CDK7: variants seen among roughly 807,000 people sequenced by gnomAD.
CDK7 encodes the protein cyclin-dependent kinase 7.
In CDK7, 25 loss-of-function variants were observed where a neutral mutation model predicts 49.1. The observed-to-expected ratio is 0.51, with a 90% CI of 0.37 to 0.71. The LOEUF is 0.71. CDK7 is among the 30% of genes least tolerant of loss of function. The pLI is 0.00. For missense variants in CDK7, 316 were observed against 411.7 expected (o/e 0.77, Z 2.01); for synonymous variants, 107 against 140.0 (o/e 0.76, Z 1.67).
intron 8 of CDK7, among the ~76,000 whole-genome samples, chr5:69,267,010 A>G (rs1751198411): frequency 6.6e-6 from 1 of 152,202 alleles, no homozygotes; most frequent in African/African-American, 2.4e-5. Flanking sequence ...TGTTTTAACA[A>G]GGTTCATGTA....
chr5:69,258,875 A>C (rs1750651474), intron 6 of CDK7, among the ~76,000 whole-genome samples: 3 of 152,124 alleles, frequency 2.0e-5, no homozygotes, highest in Admixed American at 2.0e-4. Context: ...CAGGAGTTCT[A>C]GACCAGCCTG....
At chr5:69,238,425 C>T (rs1430182208) in intron 2 of CDK7, among the ~76,000 whole-genome samples, 5 of 151,706 alleles carry the variant, frequency 3.3e-5, no homozygotes. Context: ...GCTAGGAGTA[C>T]AGGTGCATGC....
chr5:69,239,582 A>G (rs1749233237), intron 2 of CDK7, among the ~76,000 whole-genome samples: 1 of 151,954 alleles, frequency 6.6e-6, no homozygotes, highest in Admixed American at 6.6e-5. Flanking sequence ...GAATTCTTTT[A>G]TATTCTGGAT....
intron 10 of CDK7, among the ~76,000 whole-genome samples, chr5:69,273,879 A>C (rs1435814025): frequency 6.6e-6 from 1 of 152,198 alleles, no homozygotes; most frequent in South Asian, 2.1e-4. Flanking sequence ...GTGAATATAT[A>C]TGGAGATGGA....
chr5:69,273,587 G>T (rs1389721276), intron 10 of CDK7, among the ~76,000 whole-genome samples: 1 of 152,080 alleles, frequency 6.6e-6, no homozygotes, highest in Non-Finnish European at 1.5e-5. Flanking sequence ...AACAAAAACT[G>T]AAACTAACTG....
chr5:69,267,218 T>C (rs573433053), intron 8 of CDK7, among the ~76,000 whole-genome samples: 1 of 151,728 alleles, frequency 6.6e-6, no homozygotes, highest in Non-Finnish European at 1.5e-5. Context: ...TCTCCCACAC[T>C]AGATATTTTT....
In CDK7 at chr5:69,245,363, T is replaced by TC. The variant is rs1235796250; in HGVS notation, c.127-7054dup. On this transcript the variant is annotated intron_variant, in intron 2 of 11. Coordinates refer to ENST00000256443, the MANE Select transcript of CDK7 (RefSeq NM_001799.4). ...CCTCTTATTTTTTTAATTTTTTTTT[T>TC]CTCGCTCTATCGCCTACCCAGGCCC... 2.7e-5 allele frequency among the ~76,000 whole-genome samples: 4 copies of TC among 145,752 alleles called. No individual in the cohort carries two copies. In the East Asian group the frequency reaches 8.6e-4, roughly 31 times the overall value.
chr5:69,241,435 C>T (rs1176978740), intron 2 of CDK7, among the ~76,000 whole-genome samples: 2 of 151,464 alleles, frequency 1.3e-5, no homozygotes, highest in African/African-American at 4.9e-5. Context: ...ATTCTCCTGC[C>T]TCAGCCTCCT....
chr5:69,265,352 A>G (rs1041419815), intron 8 of CDK7, among the ~76,000 whole-genome samples: 1 of 152,184 alleles, frequency 6.6e-6, no homozygotes, highest in African/African-American at 2.4e-5. Flanking sequence ...ATGAAAAAAA[A>G]AAACCTGTGC....
At chr5:69,257,771 T>C (rs981123754) in intron 5 of CDK7, among the ~76,000 whole-genome samples, 2 of 152,178 alleles carry the variant, frequency 1.3e-5, no homozygotes, top group African/African-American at 2.4e-5. Context: ...CTAACTGCTA[T>C]TGTCAGAAGA....
rs1752247499 is a variant in CDK7, at chr5:69,277,260, T to A, written c.*125T>A. ...GTAAATATTCTACACATGTAAAATA[T>A]GTAAAACTATGGGTTATTTTTATTA... is the stretch of plus-strand genomic sequence containing the variant. On this transcript the variant is annotated 3_prime_UTR_variant, in exon 12 of 12. Transcript: ENST00000256443. 1 of 535,144 alleles carries A rather than the reference T, an allele frequency of 1.9e-6. No individual in the cohort carries two copies. The highest frequency in any genetic ancestry group is 5.3e-4 in the Middle Eastern group (1 of 1,898). The allele number at this position is 535,144 out of a possible 1,614,324, so 33.1% of individuals were successfully genotyped here.
chr5:69,237,306 A>T (rs1749065764), intron 2 of CDK7, among the ~76,000 whole-genome samples: 2 of 152,148 alleles, frequency 1.3e-5, no homozygotes, highest in Non-Finnish European at 2.9e-5. Flanking sequence ...ACTATATCAT[A>T]GCCACACTGA....
At chr5:69,236,633 TTTTTATTTTTTATTTTA>T (rs367958455) in intron 2 of CDK7, among the ~76,000 whole-genome samples, 5,689 of 151,920 alleles carry the variant, frequency 0.037, 396 homozygotes, top group African/African-American at 0.13. Flanking sequence ...TGCCATAATT[TTTTTATTTTTTATTTTA>T]TTTTATTTTT....
chr5:69,243,757 T>A (rs1371078943), intron 2 of CDK7, among the ~76,000 whole-genome samples: 2 of 147,464 alleles, frequency 1.4e-5, no homozygotes, highest in South Asian at 2.2e-4. Flanking sequence ...ATTCTTCCAA[T>A]CCATGAATAT....
intron 7 of CDK7, among the ~76,000 whole-genome samples, chr5:69,261,320 C>G (rs1356855434): frequency 6.6e-6 from 1 of 152,124 alleles, no homozygotes; most frequent in East Asian, 1.9e-4. Context: ...TCTCATCTAC[C>G]AGTTTCTCAT....
At chr5:69,257,899 C>T in intron 5 of CDK7, 144 bp from the exon 6 acceptor site, 1 of 602,434 alleles carries the variant, frequency 1.7e-6, no homozygotes, top group Admixed American at 3.4e-5. Flanking sequence ...GAGATTTTGA[C>T]AGGGCTTCCT....
At chr5:69,257,054 T>C (rs879505530) in intron 5 of CDK7, among the ~76,000 whole-genome samples, 4 of 152,182 alleles carry the variant, frequency 2.6e-5, no homozygotes, top group Admixed American at 2.6e-4. Flanking sequence ...AAATGCATTA[T>C]ACTAAGTGAA....
intron 8 of CDK7, among the ~76,000 whole-genome samples, chr5:69,265,388 G>C (rs1179552408): frequency 1.3e-5 from 2 of 149,290 alleles, no homozygotes; most frequent in East Asian, 3.9e-4. Flanking sequence ...TGAAATTTCA[G>C]AATACGAAGG....
Position 69,257,900 on chromosome 5 carries a change from A to G in CDK7, c.298-143A>G, listed in dbSNP as rs1343782756. The G allele has an allele frequency of 3.1e-5, 19 of 604,834 alleles. No individual in the cohort carries two copies. The East Asian group carries it at 5.9e-4, about 19-fold the overall frequency. 37.5% of individuals were successfully genotyped at this position (604,834 alleles called of 1,614,324 possible). A position where few individuals can be genotyped will look rare whatever the true frequency, so the allele number is the denominator to read the frequency against. On this transcript the variant is annotated intron_variant, in intron 5 of 11. Transcript: ENST00000256443. The stretch of plus-strand genomic sequence containing the variant: ...CCCATCTAACTCTGGAGATTTTGAC[A>G]GGGCTTCCTGAGGAAACTTAGATAA...
Sources: gnomAD v4.1 joint callset for allele counts (sites outside exome capture counted in the v4.1 genomes callset) on GRCh38, gnomAD v4.1.1 for gene constraint, MANE v1.5 for transcripts, NCBI Gene and HGNC (gene_info 2026-07-23, HGNC 2026-07-21) for gene names.